The following ZC3H12B variants were observed in gnomAD, a reference collection of about 807,000 sequenced individuals.
ZC3H12B encodes the protein zinc finger CCCH-type containing 12B, also known as probable ribonuclease ZC3H12B.
Under a neutral mutation model 43.9 loss-of-function variants are expected in ZC3H12B, and 7 were observed. The ratio of observed to expected loss-of-function variants is 0.16; its 90% CI spans 0.09 to 0.30. The LOEUF (loss-of-function observed/expected upper bound fraction) is 0.30, where lower values mean the gene tolerates loss of function less well. Among genes scored for constraint, ZC3H12B ranks in the 10% least tolerant of loss-of-function variants. ZC3H12B has a pLI of 1.00. For synonymous variants in ZC3H12B, 222 were observed against 241.7 expected, an observed-to-expected ratio of 0.92 and a Z score of 0.76; for missense variants, 475 against 670.2, an observed-to-expected ratio of 0.71 and a Z score of 3.22.
At chrX:65,177,340 T>C in the ZC3H12B span, among the ~76,000 whole-genome samples, 1 of 111,904 alleles carries the variant, frequency 8.9e-6, no homozygotes, top group Non-Finnish European at 1.9e-5. Flanking sequence ...GGGCAAAAGC[T>C]GGAAGCATTC....
At chrX:65,180,484 G>A in the ZC3H12B span, among the ~76,000 whole-genome samples, 7 of 111,439 alleles carry the variant, frequency 6.3e-5, no homozygotes, top group Admixed American at 1.9e-4. Flanking sequence ...GTCTCTGTTT[G>A]AAGATGACAT....
At chrX:65,440,217 A>T (rs1422844406) in intron 3 of ZC3H12B, among the ~76,000 whole-genome samples, 1 of 111,890 alleles carries the variant, frequency 8.9e-6, no homozygotes, top group Non-Finnish European at 1.9e-5. Flanking sequence ...CAGCCATTTG[A>T]TTCCCTTCAG....
At chrX:65,218,034 A>G in the ZC3H12B span, among the ~76,000 whole-genome samples, 1 of 112,398 alleles carries the variant, frequency 8.9e-6, no homozygotes, top group East Asian at 2.8e-4. Context: ...CAAGCTCTCA[A>G]AGATAAAATA....
At chrX:65,250,918 CT>C in the ZC3H12B span, among the ~76,000 whole-genome samples, 1 of 111,571 alleles carries the variant, frequency 9.0e-6, no homozygotes, top group Admixed American at 9.5e-5. Context: ...GTTTCTTTTG[CT>C]GTGCAGAAGC....
the ZC3H12B span, among the ~76,000 whole-genome samples, chrX:65,039,981 C>A: frequency 9.0e-6 from 1 of 111,561 alleles, no homozygotes; most frequent in Non-Finnish European, 1.9e-5. Context: ...TGAACTTTTT[C>A]ATTTTAGAAT....
the ZC3H12B span, among the ~76,000 whole-genome samples, chrX:65,108,793 C>T: frequency 9.0e-6 from 1 of 111,449 alleles, no homozygotes; most frequent in African/African-American, 3.3e-5. Flanking sequence ...TGACTGGCAG[C>T]ATAGTATGTT....
At chrX:65,157,647 C>G in the ZC3H12B span, among the ~76,000 whole-genome samples, 2 of 111,443 alleles carry the variant, frequency 1.8e-5, no homozygotes, top group Non-Finnish European at 3.8e-5. Context: ...CCATTTTGAA[C>G]AAACTGTCTT....
chrX:65,313,705 T>C, the ZC3H12B span, among the ~76,000 whole-genome samples: 1 of 112,327 alleles, frequency 8.9e-6, no homozygotes, highest in Admixed American at 9.5e-5. Context: ...ATTAAGTTTT[T>C]TTCCGAATTT....
At chrX:65,406,663 G>A (rs1284809434) in intron 3 of ZC3H12B, among the ~76,000 whole-genome samples, 6 of 107,059 alleles carry the variant, frequency 5.6e-5, no homozygotes, top group African/African-American at 2.1e-4. Context: ...TAGCTCCTGA[G>A]TGTGAAACCG....
chrX:65,489,485 C>T, intron 1 of ZC3H12B, 76 bp downstream of exon 6: 2 of 1,075,124 alleles, frequency 1.9e-6, no homozygotes, highest in Admixed American at 6.2e-5. Flanking sequence ...CTTTGCAAAT[C>T]ATTATAAGAG....
chrX:65,502,789 G>A, exon 5 of ZC3H12B: 1 of 1,208,021 alleles, frequency 8.3e-7, no homozygotes, highest in Non-Finnish European at 1.1e-6. Context: ...GTGCCCTGGT[G>A]ATGACTCGGA....
the ZC3H12B span, among the ~76,000 whole-genome samples, chrX:65,292,713 G>T: frequency 9.0e-6 from 1 of 110,933 alleles, no homozygotes; most frequent in Non-Finnish European, 1.9e-5. Flanking sequence ...GGCCAGGCAT[G>T]GTGGCTTATT....
At chrX:65,049,067 T>C in the ZC3H12B span, among the ~76,000 whole-genome samples, 3 of 111,603 alleles carry the variant, frequency 2.7e-5, no homozygotes, top group Admixed American at 2.9e-4. Context: ...AGTTTGGATA[T>C]TAACTCCTTA....
At chrX:65,409,556 C>CCACACACACA (rs149933064) in intron 3 of ZC3H12B, among the ~76,000 whole-genome samples, 10 of 87,661 alleles carry the variant, frequency 1.1e-4, no homozygotes, top group African/African-American at 4.1e-4. Context: ...CCTAAAGACT[C>CCACACACACA]CACACACACA....
At chrX:65,500,229 A>C in intron 4 of ZC3H12B, among the ~76,000 whole-genome samples, 1 of 112,516 alleles carries the variant, frequency 8.9e-6, no homozygotes, top group East Asian at 2.8e-4. Context: ...ACAATAGTAC[A>C]TGTGTTCTAC....
intron 1 of ZC3H12B, among the ~76,000 whole-genome samples, chrX:65,368,293 T>C (rs1165137793): frequency 9.0e-6 from 1 of 111,422 alleles, no homozygotes; most frequent in Non-Finnish European, 1.9e-5. Flanking sequence ...TTCAAGTAGT[T>C]AGGAATTCAT....
the ZC3H12B span, among the ~76,000 whole-genome samples, chrX:65,171,187 T>C: frequency 1.8e-5 from 2 of 111,200 alleles, no homozygotes; most frequent in African/African-American, 6.5e-5. Flanking sequence ...CCACCTTTTG[T>C]CTTTGATGAT....
At chrX:65,328,065 C>T in the ZC3H12B span, 1 of 263,373 alleles carries the variant, frequency 3.8e-6, no homozygotes, top group Non-Finnish European at 7.6e-6. Flanking sequence ...GAATTCTTTG[C>T]CAGGTACTTT....
the ZC3H12B span, among the ~76,000 whole-genome samples, chrX:65,150,650 C>T: frequency 1.8e-5 from 2 of 111,473 alleles, no homozygotes; most frequent in Non-Finnish European, 3.8e-5. Flanking sequence ...CATCCATGTC[C>T]CTGCAAAGGA....
Sources: gnomAD v4.1 joint callset for allele counts (sites outside exome capture counted in the v4.1 genomes callset) on GRCh38, gnomAD v4.1.1 for gene constraint, MANE v1.5 for transcripts, NCBI Gene and HGNC (gene_info 2026-07-23, HGNC 2026-07-21) for gene names.